The following PDZRN3 variants were observed in gnomAD, a reference collection of about 807,000 sequenced individuals.
PDZRN3 encodes the protein E3 ubiquitin-protein ligase PDZRN3.
Under a neutral mutation model 85.7 loss-of-function variants are expected in PDZRN3, and 38 were observed. The observed-to-expected ratio is 0.44, with a 90% CI of 0.34 to 0.58. The LOEUF (loss-of-function observed/expected upper bound fraction) is 0.58. PDZRN3 is among the 20% of genes least tolerant of loss of function. PDZRN3 has a pLI of 0.01. For synonymous variants in PDZRN3, 759 were observed against 638.0 expected (o/e 1.19, Z -2.86); for missense variants, 1,629 against 1,506.4 (o/e 1.08, Z -1.35).
At chr3:73,476,495 T>A (rs968739778) in intron 3 of PDZRN3, among the ~76,000 whole-genome samples, 1 of 152,102 alleles carries the variant, frequency 6.6e-6, no homozygotes, top group Non-Finnish European at 1.5e-5. Flanking sequence ...CAATTCAACA[T>A]GAGATTTGGG....
intron 3 of PDZRN3, among the ~76,000 whole-genome samples, chr3:73,503,474 T>C (rs1704018765): frequency 6.6e-6 from 1 of 152,224 alleles, no homozygotes; most frequent in African/African-American, 2.4e-5. Context: ...AAAAGTATGA[T>C]TTCTTCACTT....
At position 73,474,690 on chromosome 3, in the gene PDZRN3, A is replaced by C. The variant is rs577935974; in HGVS notation, c.919-70295T>G. On this transcript the variant is annotated intron_variant, in intron 3 of 9. Transcript: ENST00000263666. Reference sequence around the variant, plus strand: ...CACAGAATAGGGAGGCACTGAACAAAAGAGGAGCAGCAGGAGCCCCATCCA... The same window carrying C: ...CACAGAATAGGGAGGCACTGAACAACAGAGGAGCAGCAGGAGCCCCATCCA... 616 of 971,422 alleles carry C rather than the reference A, an allele frequency of 6.3e-4. 14 individuals carry two copies. The South Asian group carries it at 0.014, about 22-fold the overall frequency. The allele number at this position is 971,422 out of a possible 1,614,324, so 60.2% of individuals were successfully genotyped here. A position where few individuals can be genotyped will look rare whatever the true frequency, so the allele number is the denominator to read the frequency against.
chr3:73,387,968 C>T lies in PDZRN3; in HGVS notation c.1518G>A (p.Gln506=), dbSNP rs1701433134. 2 of 1,478,768 alleles carry T rather than the reference C, an allele frequency of 1.4e-6. 1 individual carries two copies. The highest frequency in any genetic ancestry group is 1.9e-6 in the Non-Finnish European group (2 of 1,069,740). 91.6% of individuals were successfully genotyped at this position (1,478,768 alleles called of 1,614,324 possible). Residue 506 remains glutamine (Q), a splice_region_variant and synonymous_variant, in exon 8 of 10, where the codon CAG becomes CAA. Transcript: ENST00000263666. Reference sequence around the variant, plus strand: ...TTTCATCTGTAGGAAGCCAATTTACCTGGAGTTCAGGCCTTGCAATCAGCA... The same window carrying T: ...TTTCATCTGTAGGAAGCCAATTTACTTGGAGTTCAGGCCTTGCAATCAGCA... ...FSLLIARPEL[Q]LDEGWMDDDR...
rs969333984 is a variant in PDZRN3 at position 73,614,562 on chromosome 3, C to T, written c.724-5878G>A. 2.0e-5 allele frequency among the ~76,000 whole-genome samples: 3 copies of T among 152,168 alleles called. No homozygotes were observed. In the East Asian group the frequency reaches 5.8e-4, roughly 29 times the overall value. On this transcript the variant is annotated intron_variant, in intron 1 of 9. Coordinates refer to ENST00000263666, the MANE Select transcript of PDZRN3 (RefSeq NM_015009.3). ...GTTTTGAGAAATGTAACTGACTGAC[C>T]GCTAGTCTGTGTGATGTAACACCTC...
At chr3:73,506,231 G>C (rs951910351) in intron 3 of PDZRN3, among the ~76,000 whole-genome samples, 1 of 152,160 alleles carries the variant, frequency 6.6e-6, no homozygotes, top group African/African-American at 2.4e-5. Context: ...TGGTCAGGTT[G>C]ATCTTGCAAC....
At chr3:73,500,610 T>G (rs1454749633) in intron 3 of PDZRN3, among the ~76,000 whole-genome samples, 2 of 152,178 alleles carry the variant, frequency 1.3e-5, no homozygotes, top group Non-Finnish European at 1.5e-5. Flanking sequence ...CAACAATGCC[T>G]TCTTGTTCTA....
chr3:73,595,004 T>C (rs1002560096), intron 3 of PDZRN3, among the ~76,000 whole-genome samples: 6 of 152,168 alleles, frequency 3.9e-5, no homozygotes, highest in Admixed American at 2.6e-4. Flanking sequence ...TATGTGCCCA[T>C]GACAAACATC....
chr3:73,447,021 G>T, intron 3 of PDZRN3, among the ~76,000 whole-genome samples: 1 of 141,174 alleles, frequency 7.1e-6, no homozygotes, highest in African/African-American at 2.6e-5. Flanking sequence ...AACCTTCCCT[G>T]CTTCTGGCCA....
At chr3:73,604,321 G>C (rs1702561837) in intron 2 of PDZRN3, among the ~76,000 whole-genome samples, 1 of 152,226 alleles carries the variant, frequency 6.6e-6, no homozygotes, top group Non-Finnish European at 1.5e-5. Context: ...CAGGTACATA[G>C]TGAGTGCTCT....
intron 3 of PDZRN3, among the ~76,000 whole-genome samples, chr3:73,409,939 G>A (rs910722260): frequency 6.6e-6 from 1 of 152,176 alleles, no homozygotes; most frequent in African/African-American, 2.4e-5. Context: ...TCTATTACAT[G>A]TGCAAATGAC....
intron 5 of PDZRN3, among the ~76,000 whole-genome samples, chr3:73,394,181 C>T (rs536124701): frequency 1.3e-5 from 2 of 152,190 alleles, no homozygotes; most frequent in Non-Finnish European, 2.9e-5. Context: ...CTTCCTTACA[C>T]ACTTTTTATA....
intron 3 of PDZRN3, among the ~76,000 whole-genome samples, chr3:73,463,788 G>T (rs1277070466): frequency 6.6e-6 from 1 of 152,120 alleles, no homozygotes; most frequent in African/African-American, 2.4e-5. Context: ...ATCAGTGATA[G>T]ACTGGATAAA....
At chr3:73,565,534 T>G (rs1488078859) in intron 3 of PDZRN3, among the ~76,000 whole-genome samples, 4 of 152,174 alleles carry the variant, frequency 2.6e-5, no homozygotes, top group Non-Finnish European at 5.9e-5. Context: ...TTTATGAATG[T>G]TGTCTCTAAG....
At position 73,469,963 on chromosome 3, in the gene PDZRN3, G is replaced by A. The variant is rs1386944739; in HGVS notation, c.919-65568C>T. Among the ~76,000 whole-genome samples, 3 of 152,174 alleles carry A rather than the reference G, an allele frequency of 2.0e-5. No individual in the cohort carries two copies. The East Asian group carries it at 5.8e-4, about 29-fold the overall frequency. On this transcript the variant is annotated intron_variant, in intron 3 of 9. Transcript: ENST00000263666. ...TTCAATGTGCTGTACGTTGTAGGAT[G>A]TCTAGCAGCATCCCTGGCCTCTACC...
At chr3:73,419,976 A>G (rs1249652322) in intron 3 of PDZRN3, among the ~76,000 whole-genome samples, 1 of 152,158 alleles carries the variant, frequency 6.6e-6, no homozygotes, top group African/African-American at 2.4e-5. Flanking sequence ...GTCATACACC[A>G]CCATCCACAC....
intron 3 of PDZRN3, among the ~76,000 whole-genome samples, chr3:73,513,260 A>C (rs895808195): frequency 3.3e-5 from 5 of 152,220 alleles, no homozygotes. Flanking sequence ...TCTTCTTTTT[A>C]AACAGTTATA....
chr3:73,416,694 G>A (rs1702088145), intron 3 of PDZRN3, among the ~76,000 whole-genome samples: 1 of 152,124 alleles, frequency 6.6e-6, no homozygotes, highest in Non-Finnish European at 1.5e-5. Context: ...TTGTATCTCT[G>A]AAACTCTCTG....
At chr3:73,424,755 C>A (rs1197973587) in intron 3 of PDZRN3, among the ~76,000 whole-genome samples, 1 of 151,878 alleles carries the variant, frequency 6.6e-6, no homozygotes, top group East Asian at 1.9e-4. Context: ...AAGGAAGAAA[C>A]TAAAAAATGG....
intron 3 of PDZRN3, among the ~76,000 whole-genome samples, chr3:73,539,407 G>A (rs1215360591): frequency 6.6e-6 from 1 of 152,206 alleles, no homozygotes; most frequent in East Asian, 1.9e-4. Flanking sequence ...CTCTCAGCAA[G>A]AGGTGGAATC....
Sources: gnomAD v4.1 joint callset for allele counts (sites outside exome capture counted in the v4.1 genomes callset) on GRCh38, gnomAD v4.1.1 for gene constraint, MANE v1.5 for transcripts, NCBI Gene and HGNC (gene_info 2026-07-23, HGNC 2026-07-21) for gene names.